Variants in CASR observed in about 807,000 individuals in gnomAD.
The protein encoded by CASR is extracellular calcium-sensing receptor.
Under a neutral mutation model 69.1 loss-of-function variants are expected in CASR, and 23 were observed. The observed-to-expected ratio is 0.33, with a 90% CI of 0.24 to 0.47. The LOEUF is 0.47. Ranked by LOEUF, CASR falls within the 20% of genes least tolerant of loss-of-function variation. The pLI is 1.00. For missense variants in CASR, 924 were observed against 1,356.1 expected (o/e 0.68, Z 5.00); for synonymous variants, 541 against 544.7 (o/e 0.99, Z 0.10).
chr3:122,284,695 T>A lies in CASR; in HGVS notation c.2741T>A (p.Ile914Asn). Residue 914 changes from isoleucine to asparagine, a missense_variant, in exon 7 of 7, where the codon ATC becomes AAC. Physicochemically the swap from Ile to Asn is moderately radical, Grantham distance 149 (BLOSUM62 -3). Around this residue, in one of 8 missense-constraint regions of CASR, gnomAD observed 201 missense variants for 228.8 expected, o/e 0.88. Coordinates refer to ENST00000639785, the MANE Select transcript of CASR (RefSeq NM_000388.4). ...ACGGGATCCACCCCCTCCTCCTCCA[T>A]CAGCAGCAAGAGCAACAGCGAAGAC... Reference protein sequence around the residue: ...GSTGSTPSSSISSKSNSEDPF... With the variant: ...GSTGSTPSSSNSSKSNSEDPF... The A allele has an allele frequency of 6.2e-7, 1 of 1,613,532 alleles. No homozygotes were observed. The highest frequency in any genetic ancestry group is 1.7e-5 in the Admixed American group (1 of 60,018).
chr3:122,243,424 G>A (rs2074397306), intron 1 of CASR, among the ~76,000 whole-genome samples: 1 of 152,154 alleles, frequency 6.6e-6, no homozygotes, highest in Middle Eastern at 3.2e-3. Flanking sequence ...ATGAAAAGGT[G>A]CTCAACATCA....
intron 3 of CASR, among the ~76,000 whole-genome samples, chr3:122,260,431 C>G (rs1209929096): frequency 6.6e-6 from 1 of 152,228 alleles, no homozygotes; most frequent in Non-Finnish European, 1.5e-5. Flanking sequence ...GACAGCTTCT[C>G]CAGGGTTCCT....
At chr3:122,204,133 A>G (rs2073983899) in intron 1 of CASR, among the ~76,000 whole-genome samples, 1 of 152,162 alleles carries the variant, frequency 6.6e-6, no homozygotes. Context: ...CTATTTTGAA[A>G]TATACAATAG....
chr3:122,220,982 C>T (rs555266768), intron 1 of CASR, among the ~76,000 whole-genome samples: 6 of 152,190 alleles, frequency 3.9e-5, no homozygotes, highest in East Asian at 1.9e-4. Context: ...CAAAGAAAAA[C>T]GACTTTGATA....
At chr3:122,221,545 A>G (rs906163923) in intron 1 of CASR, among the ~76,000 whole-genome samples, 2 of 152,212 alleles carry the variant, frequency 1.3e-5, no homozygotes, top group African/African-American at 4.8e-5. Context: ...CTACTTCTGC[A>G]ATTTTTATTA....
In CASR at chr3:122,232,692, T is replaced by G. The variant is rs955418496; in HGVS notation, c.-242-21256T>G. On this transcript the variant is annotated intron_variant, in intron 1 of 6. Transcript: ENST00000639785. ...TTGGCAAGGCAGGTAACAGCTCACA[T>G]GTTCCATTTCCTTATCTTCAAGGTG... Among the ~76,000 whole-genome samples the G allele has an allele frequency of 2.0e-5, 3 of 152,168 alleles. No individual in the cohort carries two copies. The South Asian group carries it at 6.2e-4, about 32-fold the overall frequency.
At chr3:122,282,361 T>G in intron 6 of CASR, 125 bp downstream of exon 6, 6 of 917,770 alleles carry the variant, frequency 6.5e-6, no homozygotes, top group Non-Finnish European at 1.1e-5. Flanking sequence ...AACAAAGGTA[T>G]ATCTGAGCAT....
chr3:122,200,452 T>C (rs757334520), intron 1 of CASR, among the ~76,000 whole-genome samples: 14 of 152,218 alleles, frequency 9.2e-5, no homozygotes, highest in Non-Finnish European at 1.6e-4. Context: ...ATATATTGTT[T>C]AATGTTGCAT....
intron 1 of CASR, among the ~76,000 whole-genome samples, chr3:122,217,309 C>T (rs187164439): frequency 1.3e-5 from 2 of 152,098 alleles, no homozygotes; most frequent in South Asian, 2.1e-4. Context: ...TCTTTGTTGC[C>T]CAGGCTGGTT....
At chr3:122,279,339 G>C (rs1315442208) in intron 5 of CASR, among the ~76,000 whole-genome samples, 3 of 152,058 alleles carry the variant, frequency 2.0e-5, no homozygotes, top group African/African-American at 4.8e-5. Context: ...AAACCAAGAA[G>C]GAAAGCTACT....
Position 122,284,933 on chromosome 3 carries a change from G to T in CASR, c.2979G>T (p.Thr993=). 1 of 1,614,108 alleles carries T rather than the reference G, an allele frequency of 6.2e-7. No homozygotes were observed. Among genetic ancestry groups the T allele is most frequent in the Admixed American group, 1.7e-5 (1 of 60,010 alleles). ...ACGCCATGGCCCACAGGAATTCTAC[G>T]CACCAGAACTCCCTGGAGGCCCAGA... ...QKNAMAHRNS[T]HQNSLEAQKS... The change falls in exon 7 of 7, where the codon ACG becomes ACT. Residue 993 remains threonine (T), a synonymous_variant. Coordinates refer to ENST00000639785, the MANE Select transcript of CASR (RefSeq NM_000388.4).
chr3:122,256,999 C>A, intron 2 of CASR, 82 bp from the exon 3 acceptor site: 2 of 1,191,512 alleles, frequency 1.7e-6, no homozygotes, highest in South Asian at 1.2e-5. Context: ...TTCGATGATT[C>A]AAACCCAGCT....
rs748580797 is a variant in CASR, at chr3:122,238,118, G to A, written c.-242-15830G>A. Among the ~76,000 whole-genome samples, 54 of 152,258 alleles carry A rather than the reference G, an allele frequency of 3.5e-4. 1 individual carries two copies. Among genetic ancestry groups the A allele is most frequent in the Middle Eastern group, 3.4e-3 (1 of 294 alleles). On this transcript the variant is annotated intron_variant, in intron 1 of 6. Transcript: ENST00000639785. ...AATCAGGTGAACAGTCACAGCACCCGGTGCTAATTTCATATTGCTCAAAGA... is the reference window on the plus strand; with the variant it reads ...AATCAGGTGAACAGTCACAGCACCCAGTGCTAATTTCATATTGCTCAAAGA...
At chr3:122,199,634 G>T (rs549104962) in intron 1 of CASR, among the ~76,000 whole-genome samples, 6 of 152,100 alleles carry the variant, frequency 3.9e-5, no homozygotes, top group African/African-American at 1.4e-4. Flanking sequence ...TAGTTTTGCA[G>T]AATGTGAGGG....
At chr3:122,260,824 G>C (rs1218030890) in intron 3 of CASR, among the ~76,000 whole-genome samples, 4 of 152,150 alleles carry the variant, frequency 2.6e-5, no homozygotes, top group Admixed American at 1.3e-4. Flanking sequence ...GAGCCTAGTG[G>C]TCTTAGTGGT....
intron 1 of CASR, among the ~76,000 whole-genome samples, chr3:122,226,270 T>C (rs1353070264): frequency 6.6e-6 from 1 of 151,828 alleles, no homozygotes; most frequent in African/African-American, 2.4e-5. Flanking sequence ...GGCTCAGGAG[T>C]GAAGCTGCAG....
At chr3:122,266,216 G>A (rs192092938) in intron 4 of CASR, among the ~76,000 whole-genome samples, 2 of 148,796 alleles carry the variant, frequency 1.3e-5, no homozygotes, top group Admixed American at 6.8e-5. Flanking sequence ...ATGAGCAACC[G>A]TTTGACTTTA....
intron 4 of CASR, among the ~76,000 whole-genome samples, chr3:122,267,779 T>TTGA (rs1303578729): frequency 6.6e-6 from 1 of 152,066 alleles, no homozygotes; most frequent in Non-Finnish European, 1.5e-5. Context: ...CTCAAAAAAG[T>TTGA]TGATAAAAAA....
At chr3:122,271,037 G>A (rs2074751692) in intron 4 of CASR, among the ~76,000 whole-genome samples, 1 of 152,118 alleles carries the variant, frequency 6.6e-6, no homozygotes, top group Non-Finnish European at 1.5e-5. Flanking sequence ...AGTCTTTTAA[G>A]TCTTTTATAT....
Sources: gnomAD v4.1 joint callset for allele counts (sites outside exome capture counted in the v4.1 genomes callset) on GRCh38, gnomAD v4.1.1 for gene constraint, gnomAD v4.1.1 regional missense constraint, MANE v1.5 for transcripts, NCBI Gene and HGNC (gene_info 2026-07-23, HGNC 2026-07-21) for gene names.